ANK3: variants seen among roughly 807,000 people sequenced by gnomAD.
The protein encoded by ANK3 is ankyrin 3, also known as ankyrin-3.
A neutral mutation model predicts 370.9 loss-of-function variants in ANK3; 57 were observed. The observed-to-expected ratio is 0.15, with a 90% CI of 0.12 to 0.19. ANK3 has a LOEUF of 0.19. Among genes scored for constraint, ANK3 ranks in the 10% least tolerant of loss-of-function variants. The pLI is 1.00. For synonymous variants in ANK3, 1,929 were observed against 1,946.3 expected, an observed-to-expected ratio of 0.99 and a Z score of 0.23; for missense variants, 4,439 against 5,302.1, an observed-to-expected ratio of 0.84 and a Z score of 5.06.
intron 5 of ANK3, among the ~76,000 whole-genome samples, chr10:60,267,936 T>C (rs1025231400): frequency 6.6e-6 from 1 of 152,210 alleles, no homozygotes; most frequent in African/African-American, 2.4e-5. Flanking sequence ...GTGTGTATCG[T>C]AGTGTGCTTA....
intron 23 of ANK3, chr10:60,146,094 G>T (rs2094809223): frequency 6.6e-7 from 1 of 1,517,668 alleles, no homozygotes; most frequent in Non-Finnish European, 8.8e-7. Flanking sequence ...AGTCATATAA[G>T]CTCTATGTTC....
rs200845714 is a variant in ANK3 at position 60,674,114 on chromosome 10, T to TA, written c.58-58891dup. Among the ~76,000 whole-genome samples, 792 of 151,330 alleles carry TA rather than the reference T, an allele frequency of 5.2e-3. 17 individuals are homozygous for TA. The East Asian group carries it at 0.087, about 17-fold the overall frequency. On this transcript the variant is annotated intron_variant, in intron 1 of 43. Coordinates refer to the ANK3 transcript ENST00000373827. ...TCTCAGAGTATGAGAGTTCTTGTATTAAAAAAAAAGAAAAAGTTAAATATT... is the reference window on the plus strand; with the variant it reads ...TCTCAGAGTATGAGAGTTCTTGTATTAAAAAAAAAAGAAAAAGTTAAATATT...
chr10:60,433,338 G>T (rs561522066), intron 2 of ANK3, among the ~76,000 whole-genome samples: 1 of 152,220 alleles, frequency 6.6e-6, no homozygotes, highest in East Asian at 1.9e-4. Context: ...ATTACTGCAA[G>T]ATCTTAGAAT....
chr10:60,592,131 T>C (rs999471596), intron 2 of ANK3, among the ~76,000 whole-genome samples: 6 of 152,156 alleles, frequency 3.9e-5, no homozygotes, highest in Admixed American at 2.6e-4. Flanking sequence ...GATACACCAT[T>C]CTCCATGATG....
In ANK3 at chr10:60,042,860, A is replaced by G. The variant is rs1168699025; in HGVS notation, c.13066-101T>C. The stretch of plus-strand genomic sequence containing the variant: ...GAGGCTGGATTAGGACAAGCGAAAC[A>G]GTTTAAAGCATTTTGTCACTTCATG... On this transcript the variant is annotated intron_variant, in intron 42 of 43. Coordinates refer to ENST00000280772, the MANE Select transcript of ANK3 (RefSeq NM_020987.5). 1.9e-6 allele frequency: 3 copies of G among 1,556,468 alleles called. No homozygotes were observed. In the African/African-American group the frequency reaches 4.1e-5, roughly 21 times the overall value.
intron 9 of ANK3, among the ~76,000 whole-genome samples, chr10:60,211,337 CAAG>C (rs2096851448): frequency 6.6e-6 from 1 of 151,920 alleles, no homozygotes; most frequent in African/African-American, 2.4e-5. Context: ...GGATCTGGAC[CAAG>C]AATAGGTGAT....
chr10:60,569,524 C>T (rs945331732), intron 2 of ANK3, among the ~76,000 whole-genome samples: 3 of 152,130 alleles, frequency 2.0e-5, no homozygotes, highest in Non-Finnish European at 4.4e-5. Context: ...CACACAGACA[C>T]CCTCTTCACA....
intron 1 of ANK3, among the ~76,000 whole-genome samples, chr10:60,721,358 C>T (rs185996072): frequency 2.0e-5 from 3 of 152,222 alleles, no homozygotes; most frequent in Non-Finnish European, 4.4e-5. Context: ...CAAAGGCAGA[C>T]TGCATTTAAA....
At chr10:60,460,108 C>A (rs561404143) in intron 2 of ANK3, among the ~76,000 whole-genome samples, 32 of 152,256 alleles carry the variant, frequency 2.1e-4, no homozygotes, top group Admixed American at 1.2e-3. Context: ...TTTGAGCACA[C>A]CCACATGAAA....
upstream of ANK3, chr10:60,733,497 T>C (rs2080058152): frequency 2.0e-6 from 1 of 497,042 alleles, no homozygotes. Context: ...CTGTGTCCGC[T>C]GCGACCGCCA....
chr10:60,624,789 C>T (rs1401266559), intron 1 of ANK3, among the ~76,000 whole-genome samples: 2 of 144,614 alleles, frequency 1.4e-5, no homozygotes, highest in African/African-American at 2.5e-5. Flanking sequence ...AGAAAACAAA[C>T]AAAAATGGGT....
chr10:60,111,689 T>G (rs1378073403), intron 26 of ANK3: 1 of 448,846 alleles, frequency 2.2e-6, no homozygotes, highest in Non-Finnish European at 4.5e-6. Context: ...TCACATAAAT[T>G]AAAAATACAA....
chr10:60,135,916 C>G (rs983087324), intron 24 of ANK3, among the ~76,000 whole-genome samples: 1 of 152,004 alleles, frequency 6.6e-6, no homozygotes, highest in Non-Finnish European at 1.5e-5. Context: ...ATGGACCTCT[C>G]TTATCCCCAA....
Position 60,064,672 on chromosome 10 carries a change from G to GCAACAACAACAA in ANK3, c.12320-396_12320-385dup, listed in dbSNP as rs56412726. On this transcript the variant is annotated intron_variant, in intron 38 of 43. Coordinates refer to ENST00000280772, the MANE Select transcript of ANK3 (RefSeq NM_020987.5). ...CAAAACCCCGGTCTCCATACACACA[G>GCAACAACAACAA]CAACAACAACAACAACAACAACAAC... Among the ~76,000 whole-genome samples, 548 of 146,198 alleles carry GCAACAACAACAA rather than the reference G, an allele frequency of 3.7e-3. 4 individuals carry two copies. Among genetic ancestry groups the GCAACAACAACAA allele is most frequent in the African/African-American group, 0.013 (510 of 39,994 alleles).
intron 2 of ANK3, among the ~76,000 whole-genome samples, chr10:60,437,339 A>G (rs1380579547): frequency 6.6e-6 from 1 of 152,196 alleles, no homozygotes; most frequent in Admixed American, 6.5e-5. Context: ...GGATATTGAC[A>G]GGTGGGAGAA....
chr10:60,403,636 G>A (rs554698230), intron 2 of ANK3, among the ~76,000 whole-genome samples: 23 of 152,114 alleles, frequency 1.5e-4, no homozygotes, highest in African/African-American at 4.3e-4. Context: ...CGCCCAGGCC[G>A]GAGTGCAGCG....
chr10:60,564,454 G>T (rs1380524969), intron 2 of ANK3, among the ~76,000 whole-genome samples: 1 of 152,158 alleles, frequency 6.6e-6, no homozygotes, highest in East Asian at 1.9e-4. Context: ...ACACGAGAAT[G>T]AAAATTATAG....
chr10:60,546,090 C>A (rs940818190), intron 2 of ANK3, among the ~76,000 whole-genome samples: 1 of 152,142 alleles, frequency 6.6e-6, no homozygotes, highest in Non-Finnish European at 1.5e-5. Flanking sequence ...GGCTGGAGGG[C>A]AGTGGCACAA....
chr10:60,230,672 C>T (rs1329243365), intron 8 of ANK3, among the ~76,000 whole-genome samples: 3 of 152,100 alleles, frequency 2.0e-5, no homozygotes, highest in East Asian at 1.9e-4. Flanking sequence ...GGGCAGATCA[C>T]GAGGTCAGGA....
Sources: gnomAD v4.1 joint callset for allele counts (sites outside exome capture counted in the v4.1 genomes callset) on GRCh38, gnomAD v4.1.1 for gene constraint, MANE v1.5 for transcripts, NCBI Gene and HGNC (gene_info 2026-07-23, HGNC 2026-07-21) for gene names.